The following TMEFF1 variants were observed in gnomAD, a reference collection of about 807,000 sequenced individuals.
TMEFF1 encodes tomoregulin-1.
TMEFF1 carries 20 observed loss-of-function variants against 47.5 expected under a neutral mutation model. The ratio of observed to expected loss-of-function variants is 0.42; its 90% CI spans 0.30 to 0.61. The LOEUF is 0.61. TMEFF1 is among the 20% of genes least tolerant of loss of function. The probability of loss-of-function intolerance (pLI) is 0.19; values close to 1 mark genes in which losing one functional copy is unlikely to be tolerated. For synonymous variants in TMEFF1, 162 were observed against 166.3 expected (o/e 0.97, Z 0.20); for missense variants, 411 against 471.1 (o/e 0.87, Z 1.18).
chr9:100,474,851 T>C (rs1227834444), intron 1 of TMEFF1, among the ~76,000 whole-genome samples: 2 of 152,052 alleles, frequency 1.3e-5, no homozygotes, highest in South Asian at 2.1e-4. Flanking sequence ...TGGATAACAC[T>C]GGGGAGGAGG....
At chr9:100,555,846 G>A (rs1296043745) in intron 7 of TMEFF1, among the ~76,000 whole-genome samples, 1 of 152,110 alleles carries the variant, frequency 6.6e-6, no homozygotes, top group African/African-American at 2.4e-5. Flanking sequence ...CTATGTGCCA[G>A]GTGCTTTCAC....
At chr9:100,563,817 A>T (rs1372008348) in intron 8 of TMEFF1, among the ~76,000 whole-genome samples, 1 of 152,168 alleles carries the variant, frequency 6.6e-6, no homozygotes, top group African/African-American at 2.4e-5. Context: ...ACCTGTGATG[A>T]TGATAAATTT....
At chr9:100,518,248 C>G (rs1344179781) in intron 5 of TMEFF1, among the ~76,000 whole-genome samples, 1 of 152,076 alleles carries the variant, frequency 6.6e-6, no homozygotes, top group African/African-American at 2.4e-5. Context: ...GGGAGGAATG[C>G]TTGAGGCTGG....
intron 4 of TMEFF1, among the ~76,000 whole-genome samples, chr9:100,514,321 A>G (rs1320779479): frequency 6.6e-6 from 1 of 152,012 alleles, no homozygotes; most frequent in African/African-American, 2.4e-5. Context: ...AGCTAAAAAA[A>G]AAAAAAATGA....
chr9:100,501,831 G>GA, intron 2 of TMEFF1, among the ~76,000 whole-genome samples: 1 of 152,224 alleles, frequency 6.6e-6, no homozygotes, highest in South Asian at 2.1e-4. Flanking sequence ...TTTTAGTAGA[G>GA]ACGGGATTTC....
chr9:100,563,823 A>G (rs1839068682), intron 8 of TMEFF1, among the ~76,000 whole-genome samples: 1 of 152,148 alleles, frequency 6.6e-6, no homozygotes, highest in African/African-American at 2.4e-5. Context: ...GATGATGATA[A>G]ATTTTTAAGA....
rs1239956117 is a variant in TMEFF1, at chr9:100,506,554, A to C, written c.307-2451A>C. On this transcript the variant is annotated intron_variant, in intron 2 of 9. Coordinates refer to ENST00000374879, the MANE Select transcript of TMEFF1 (RefSeq NM_003692.5). ...GCCGAGGCGGGCGGATCACAGGGTC[A>C]GGAGATCGAGACCATCCTGGCTAAC... is the stretch of plus-strand genomic sequence containing the variant. Among the ~76,000 whole-genome samples, 4 of 152,156 alleles carry C rather than the reference A, an allele frequency of 2.6e-5. No homozygotes were observed. The East Asian group carries it at 7.7e-4, about 29-fold the overall frequency.
chr9:100,485,758 G>A (rs1488020487), intron 1 of TMEFF1, among the ~76,000 whole-genome samples: 1 of 151,888 alleles, frequency 6.6e-6, no homozygotes, highest in East Asian at 1.9e-4. Context: ...AGCATTTAGG[G>A]GCTTGGCATA....
At chr9:100,552,863 GAAA>G (rs71356303) in intron 7 of TMEFF1, among the ~76,000 whole-genome samples, 2 of 133,728 alleles carry the variant, frequency 1.5e-5, no homozygotes, top group Non-Finnish European at 1.6e-5. Flanking sequence ...CACTGTTTTG[GAAA>G]AAAAAAAAAA....
At chr9:100,526,809 T>C (rs1001499896) in intron 5 of TMEFF1, among the ~76,000 whole-genome samples, 5 of 151,774 alleles carry the variant, frequency 3.3e-5, no homozygotes, top group African/African-American at 9.7e-5. Flanking sequence ...GATGACTTTG[T>C]GTAAGAGTGA....
rs767714922 is a variant in TMEFF1 at position 100,572,444 on chromosome 9, AT to A, written c.900-68del. On this transcript the variant is annotated intron_variant, in intron 8 of 9. Transcript: ENST00000374879. ...TGTTTAAATTTTATTACTATTTTGT[AT>A]TTTTTAATGTAAAAGCTTGGGAGTA... The A allele has an allele frequency of 2.7e-5, 38 of 1,412,270 alleles. 1 individual carries two copies. Among genetic ancestry groups the A allele is most frequent in the East Asian group, 2.2e-4 (9 of 40,528 alleles). 87.5% of individuals were successfully genotyped at this position (1,412,270 alleles called of 1,614,324 possible). A position where few individuals can be genotyped will look rare whatever the true frequency, so the allele number is the denominator to read the frequency against.
chr9:100,569,463 CT>C (rs140624956), intron 8 of TMEFF1, among the ~76,000 whole-genome samples: 6 of 151,140 alleles, frequency 4.0e-5, no homozygotes, highest in South Asian at 2.1e-4. Flanking sequence ...ATGGAACTTA[CT>C]TTTTTTTTCC....
At chr9:100,574,805 C>G (rs535109740) in intron 9 of TMEFF1, among the ~76,000 whole-genome samples, 3 of 152,152 alleles carry the variant, frequency 2.0e-5, no homozygotes, top group African/African-American at 4.8e-5. Context: ...GCTAGGAAAG[C>G]CCCCTTACAA....
intron 5 of TMEFF1, among the ~76,000 whole-genome samples, chr9:100,547,067 G>A (rs1162763690): frequency 6.6e-6 from 1 of 152,168 alleles, no homozygotes. Flanking sequence ...CCAGGCTGGA[G>A]TACAGTGGTG....
At chr9:100,571,343 T>C (rs539537009) in intron 8 of TMEFF1, among the ~76,000 whole-genome samples, 18 of 141,174 alleles carry the variant, frequency 1.3e-4, no homozygotes, top group African/African-American at 4.6e-4. Flanking sequence ...TGAAAATAAC[T>C]GACATGTCTT....
Position 100,521,376 on chromosome 9 carries a change from G to A in TMEFF1, c.560+4605G>A, listed in dbSNP as rs1212085534. On this transcript the variant is annotated intron_variant, in intron 5 of 9. Coordinates refer to ENST00000374879, the MANE Select transcript of TMEFF1 (RefSeq NM_003692.5). ...CTTACCTTTCAAATTTATACCTAGA[G>A]GTGTAGGTGGTTGAGGCTCCAAGAA... 7.9e-5 allele frequency among the ~76,000 whole-genome samples: 12 copies of A among 152,120 alleles called. 1 individual carries two copies. Among genetic ancestry groups the A allele is most frequent in the Admixed American group, 7.9e-4 (12 of 15,268 alleles).
intron 5 of TMEFF1, among the ~76,000 whole-genome samples, chr9:100,531,488 T>C (rs1205305244): frequency 6.6e-6 from 1 of 152,072 alleles, no homozygotes; most frequent in Non-Finnish European, 1.5e-5. Context: ...CCATTCACAA[T>C]TGCTTCAAAG....
chr9:100,548,598 C>T (rs1310776745), intron 6 of TMEFF1, among the ~76,000 whole-genome samples: 1 of 152,176 alleles, frequency 6.6e-6, no homozygotes, highest in African/African-American at 2.4e-5. Context: ...CAGGCACACT[C>T]TCATGGACTA....
At position 100,560,846 on chromosome 9, in the gene TMEFF1, G is replaced by A. The variant is rs553472693; in HGVS notation, c.776-551G>A. On this transcript the variant is annotated intron_variant, in intron 7 of 9. Coordinates refer to ENST00000374879, the MANE Select transcript of TMEFF1 (RefSeq NM_003692.5). ...GACCATATACTAAGAAAAACTATATGAAAAGAGCAGCAAAGCTATTTTCAC... is the reference window on the plus strand; with the variant it reads ...GACCATATACTAAGAAAAACTATATAAAAAGAGCAGCAAAGCTATTTTCAC... Among the ~76,000 whole-genome samples the A allele has an allele frequency of 5.9e-5, 9 of 152,156 alleles. No homozygotes were observed. The South Asian group carries it at 1.5e-3, about 25-fold the overall frequency.
Sources: allele counts gnomAD v4.1 joint callset (sites outside exome capture counted in the v4.1 genomes callset), GRCh38; gene constraint gnomAD v4.1.1; transcripts MANE v1.5; gene names NCBI Gene and HGNC (gene_info 2026-07-23, HGNC 2026-07-21).